The following VPS13B variants were observed in gnomAD, a reference collection of about 807,000 sequenced individuals.
VPS13B encodes vacuolar protein sorting 13 homolog B, also known as intermembrane lipid transfer protein VPS13B.
In VPS13B, 285 loss-of-function variants were observed where a neutral mutation model predicts 426.4. The ratio of observed to expected loss-of-function variants is 0.67; its 90% CI spans 0.61 to 0.74. VPS13B has a LOEUF of 0.74. Among genes scored for constraint, VPS13B ranks in the 30% least tolerant of loss-of-function variants. The pLI is 0.00. For missense variants in VPS13B, 4,537 were observed against 4,782.6 expected, an observed-to-expected ratio of 0.95 and a Z score of 1.51; for synonymous variants, 1,676 against 1,676.4, an observed-to-expected ratio of 1.00 and a Z score of 0.01.
intron 16 of VPS13B, among the ~76,000 whole-genome samples, chr8:99,192,273 A>G (rs1001198702): frequency 9.9e-5 from 15 of 152,228 alleles, no homozygotes; most frequent in Non-Finnish European, 1.0e-4. Context: ...CCATGTTACT[A>G]TCAAGTAGAG....
intron 17 of VPS13B, among the ~76,000 whole-genome samples, chr8:99,207,289 A>G (rs1563603370): frequency 6.6e-6 from 1 of 152,164 alleles, no homozygotes; most frequent in Non-Finnish European, 1.5e-5. Context: ...ACAGTAGGAT[A>G]TAAATAACTC....
At chr8:99,711,925 T>G (rs1395690244) in intron 36 of VPS13B, among the ~76,000 whole-genome samples, 1 of 152,200 alleles carries the variant, frequency 6.6e-6, no homozygotes, top group East Asian at 1.9e-4. Context: ...GTAAATTCCT[T>G]AGAAACAATC....
intron 39 of VPS13B, among the ~76,000 whole-genome samples, chr8:99,751,669 CTA>C (rs1384841630): frequency 6.6e-6 from 1 of 152,104 alleles, no homozygotes; most frequent in African/African-American, 2.4e-5. Flanking sequence ...ACATACATTT[CTA>C]TATGTATGTA....
intron 3 of VPS13B, among the ~76,000 whole-genome samples, chr8:99,054,023 G>A (rs1843704902): frequency 6.6e-6 from 1 of 151,998 alleles, no homozygotes; most frequent in South Asian, 2.1e-4. Flanking sequence ...CTTTTTTCTA[G>A]GGCTGAATAA....
chr8:99,509,125 A>C (rs1315020681), intron 28 of VPS13B, among the ~76,000 whole-genome samples: 1 of 152,216 alleles, frequency 6.6e-6, no homozygotes, highest in Non-Finnish European at 1.5e-5. Flanking sequence ...CACTTAGAAC[A>C]GACAACATCA....
At chr8:99,087,638 G>A (rs1389647821) in intron 3 of VPS13B, among the ~76,000 whole-genome samples, 1 of 148,192 alleles carries the variant, frequency 6.7e-6, no homozygotes, top group Admixed American at 6.7e-5. Flanking sequence ...TTTATAGACT[G>A]GGTCTGTTTA....
At chr8:99,134,584 G>A (rs764154047) in intron 8 of VPS13B, 48 bp from the exon 9 acceptor site, 7 of 1,383,504 alleles carry the variant, frequency 5.1e-6, no homozygotes, top group Non-Finnish European at 3.0e-6. Flanking sequence ...ACAATTTATT[G>A]CTCTTTAATA....
intron 3 of VPS13B, among the ~76,000 whole-genome samples, chr8:99,071,999 C>A (rs1844877535): frequency 6.6e-6 from 1 of 151,638 alleles, no homozygotes; most frequent in South Asian, 2.1e-4. Context: ...CAGGACAGAC[C>A]CAGAAATGCC....
Position 99,052,493 on chromosome 8 carries a change from T to G in VPS13B, c.291+13927T>G, listed in dbSNP as rs1241368890. ...TCAGGGATATTGGTCTAAAATTGTC[T>G]TTTTGTATTGTGTCTCTGCCAGACT... is the stretch of plus-strand genomic sequence containing the variant. On this transcript the variant is annotated intron_variant, in intron 3 of 61. Coordinates refer to ENST00000357162, the MANE Select transcript of VPS13B (RefSeq NM_152564.5). 4.9e-5 allele frequency among the ~76,000 whole-genome samples: 6 copies of G among 122,106 alleles called. No individual in the cohort carries two copies. The East Asian group carries it at 1.3e-3, about 26-fold the overall frequency. 80.1% of individuals were successfully genotyped at this position (122,106 alleles called of 152,430 possible). A position where few individuals can be genotyped will look rare whatever the true frequency, so the allele number is the denominator to read the frequency against.
rs1554779881 is a variant in VPS13B, at chr8:99,418,535, T to TTTTTTTCTC, written c.3083-12999_3083-12998insTTTCTCTTT. 7.6e-3 allele frequency among the ~76,000 whole-genome samples: 671 copies of TTTTTTTCTC among 87,898 alleles called. 10 individuals carry two copies. Among genetic ancestry groups the TTTTTTTCTC allele is most frequent in the African/African-American group, 0.031 (641 of 20,616 alleles). 57.7% of individuals were successfully genotyped at this position (87,898 alleles called of 152,430 possible). On this transcript the variant is annotated intron_variant, in intron 21 of 61. Coordinates refer to ENST00000357162, the MANE Select transcript of VPS13B (RefSeq NM_152564.5). ...TCTTTCCTTTCTTTCTTTCTCTTTC[T>TTTTTTTCTC]TTTCTTTTCTTTTCTTTTCTTTCAT...
intron 33 of VPS13B, among the ~76,000 whole-genome samples, chr8:99,597,732 G>A (rs1827088983): frequency 1.3e-5 from 2 of 151,950 alleles, no homozygotes; most frequent in South Asian, 4.1e-4. Flanking sequence ...TACTGCACCA[G>A]CCCTAACTTT....
chr8:99,143,488 C>G (rs1003292059), intron 13 of VPS13B, among the ~76,000 whole-genome samples: 1 of 151,718 alleles, frequency 6.6e-6, no homozygotes, highest in African/African-American at 2.4e-5. Context: ...GAGCCAGATA[C>G]AAAATTGGGC....
intron 6 of VPS13B, among the ~76,000 whole-genome samples, chr8:99,112,519 A>G (rs1417741644): frequency 3.3e-5 from 5 of 151,932 alleles, no homozygotes; most frequent in African/African-American, 1.2e-4. Context: ...TATAATGCAT[A>G]TTGGTTTGTT....
At chr8:99,874,810 CTCTT>C (rs1588818094) in intron 61 of VPS13B, among the ~76,000 whole-genome samples, 2 of 152,194 alleles carry the variant, frequency 1.3e-5, no homozygotes, top group East Asian at 3.8e-4. Context: ...ACTTTACATC[CTCTT>C]TTTTTCCATA....
chr8:99,289,032 T>TATGAATGA (rs147774364), intron 19 of VPS13B, among the ~76,000 whole-genome samples: 69,840 of 146,462 alleles, frequency 0.48, 17,020 homozygotes, highest in Middle Eastern at 0.56. Flanking sequence ...CCCCTGCCTC[T>TATGAATGA]ATGAATGAAT....
At chr8:99,090,858 T>C (rs1403942300) in intron 3 of VPS13B, among the ~76,000 whole-genome samples, 2 of 151,554 alleles carry the variant, frequency 1.3e-5, no homozygotes, top group Non-Finnish European at 2.9e-5. Flanking sequence ...CTGTATTTAC[T>C]TTTTTTTTCT....
chr8:99,199,518 A>G (rs1160967822), intron 17 of VPS13B, among the ~76,000 whole-genome samples: 1 of 152,026 alleles, frequency 6.6e-6, no homozygotes, highest in East Asian at 1.9e-4. Context: ...ACCACCTTTC[A>G]TCATAATCTC....
At chr8:99,191,322 A>T (rs1476462805) in intron 16 of VPS13B, among the ~76,000 whole-genome samples, 1 of 141,744 alleles carries the variant, frequency 7.1e-6, no homozygotes, top group Non-Finnish European at 1.5e-5. Context: ...AAATTGCTTG[A>T]TAGTGTCCCA....
At chr8:99,077,666 T>G (rs551938610) in intron 3 of VPS13B, among the ~76,000 whole-genome samples, 4 of 152,324 alleles carry the variant, frequency 2.6e-5, no homozygotes, top group South Asian at 2.1e-4. Context: ...GAATTCTCTC[T>G]GTGTCGTTGA....
Sources: allele counts gnomAD v4.1 joint callset (sites outside exome capture counted in the v4.1 genomes callset), GRCh38; gene constraint gnomAD v4.1.1; transcripts MANE v1.5; gene names NCBI Gene and HGNC (gene_info 2026-07-23, HGNC 2026-07-21).